FRAS1: variants seen among roughly 807,000 people sequenced by gnomAD.
FRAS1 encodes Fraser extracellular matrix complex subunit 1, also known as extracellular matrix organizing protein FRAS1.
A neutral mutation model predicts 435.2 loss-of-function variants in FRAS1; 290 were observed. The observed-to-expected ratio is 0.67, with a 90% confidence interval of 0.61 to 0.73. The LOEUF (loss-of-function observed/expected upper bound fraction) is 0.73, where lower values mean the gene tolerates loss of function less well. Ranked by LOEUF, FRAS1 falls within the 30% of genes least tolerant of loss-of-function variation. FRAS1 has a pLI of 0.00. For synonymous variants in FRAS1, 1,800 were observed against 1,851.0 expected (o/e 0.97, Z 0.71); for missense variants, 4,860 against 5,001.5 (o/e 0.97, Z 0.85).
intron 2 of FRAS1, among the ~76,000 whole-genome samples, chr4:78,189,871 C>G (rs1490397079): frequency 6.6e-6 from 1 of 152,158 alleles, no homozygotes; most frequent in Non-Finnish European, 1.5e-5. Flanking sequence ...AGCCAAATGT[C>G]TCATAGTTGT....
intron 47 of FRAS1, among the ~76,000 whole-genome samples, chr4:78,459,101 C>G (rs1007877758): frequency 6.6e-6 from 1 of 152,122 alleles, no homozygotes. Flanking sequence ...GATGCCTGGG[C>G]CCCACCTAGA....
chr4:78,147,305 T>C (rs368568375), intron 2 of FRAS1, among the ~76,000 whole-genome samples: 4 of 152,214 alleles, frequency 2.6e-5, no homozygotes, highest in African/African-American at 9.6e-5. Context: ...CAATTTTGCA[T>C]GTACAGGGAA....
intron 58 of FRAS1, 75 bp downstream of exon 58, chr4:78,482,610 T>C: frequency 1.4e-6 from 2 of 1,438,128 alleles, no homozygotes; most frequent in East Asian, 2.3e-5. Flanking sequence ...ATATGTGACA[T>C]TGGAACTCAT....
intron 10 of FRAS1, among the ~76,000 whole-genome samples, chr4:78,279,293 C>A (rs1269314805): frequency 1.3e-5 from 2 of 152,172 alleles, no homozygotes; most frequent in South Asian, 4.1e-4. Flanking sequence ...AGGCATTGGC[C>A]ATGAGGTCTA....
At chr4:78,484,136 G>A (rs66516926) in intron 58 of FRAS1, among the ~76,000 whole-genome samples, 23,369 of 151,920 alleles carry the variant, frequency 0.15, 1,883 homozygotes, top group Middle Eastern at 0.22. Context: ...TCATAAAAAT[G>A]GAATCATATA....
chr4:78,477,887 G>C lies in FRAS1; in HGVS notation c.7924G>C (p.Val2642Leu), dbSNP rs993641962. The change falls in exon 55 of 74, where the codon GTT becomes CTT. Residue 2642 changes from valine to leucine, a missense_variant. Coordinates refer to ENST00000512123, the MANE Select transcript of FRAS1 (RefSeq NM_025074.7). The stretch of plus-strand genomic sequence containing the variant: ...CAACGATGATGACGTGTTTGAAAAT[G>C]TTGAGAGTTTCACTGTGGAGCTCAG... ...VINDDDVFEN[V>L]ESFTVELSMP... is the part of the protein sequence containing the mutation. 1 of 1,613,474 alleles carries C rather than the reference G, an allele frequency of 6.2e-7. No homozygotes were observed. The highest frequency in any genetic ancestry group is 1.7e-5 in the Admixed American group (1 of 59,960).
intron 28 of FRAS1, 37 bp downstream of exon 28, chr4:78,384,180 G>T (rs748220764): frequency 7.4e-7 from 1 of 1,354,210 alleles, no homozygotes; most frequent in South Asian, 1.4e-5. Flanking sequence ...AATTTTACAT[G>T]ACTACTAGTT....
intron 2 of FRAS1, among the ~76,000 whole-genome samples, chr4:78,221,083 G>A (rs547932279): frequency 1.3e-5 from 2 of 152,254 alleles, no homozygotes; most frequent in East Asian, 3.9e-4. Flanking sequence ...TGGGAGGATG[G>A]CTTGAGCCCA....
At chr4:78,088,970 A>G (rs533575180) in intron 2 of FRAS1, among the ~76,000 whole-genome samples, 18 of 152,302 alleles carry the variant, frequency 1.2e-4, no homozygotes, top group African/African-American at 4.3e-4. Context: ...CTATAAAGAC[A>G]CATGCACACG....
At position 78,375,778 on chromosome 4, in the gene FRAS1, G is replaced by A. The variant is rs779286671; in HGVS notation, c.3191G>A (p.Arg1064His). 21 of 1,610,352 alleles carry A rather than the reference G, an allele frequency of 1.3e-5. No individual in the cohort carries two copies. The highest frequency in any genetic ancestry group is 2.2e-5 in the East Asian group (1 of 44,794). Residue 1064 changes from arginine (R) to histidine (H), a missense_variant, in exon 26 of 74, where the codon CGT (arginine) becomes CAT (histidine). Arg to His is a conservative substitution (Grantham distance 29). Transcript: ENST00000512123. ...TGCTTGCAGTGCAGCCACAGGGACC[G>A]TTGTCACCTCTGTGACCATGGGTTC... Reference protein sequence around the residue: ...QGCLQCSHRDRCHLCDHGFFL... With the variant: ...QGCLQCSHRDHCHLCDHGFFL...
At chr4:78,118,526 C>G (rs1053986701) in intron 2 of FRAS1, among the ~76,000 whole-genome samples, 3 of 152,142 alleles carry the variant, frequency 2.0e-5, no homozygotes, top group Non-Finnish European at 4.4e-5. Context: ...TGGTGGGCAC[C>G]CCTCCCCCAG....
intron 2 of FRAS1, 97 bp from the exon 3 acceptor site, chr4:78,237,413 G>A (rs1242239071): frequency 1.7e-5 from 14 of 802,278 alleles, no homozygotes; most frequent in Non-Finnish European, 2.7e-5. Context: ...TCTTTGTCTT[G>A]TAATTGTCCA....
rs578099452 is a variant in FRAS1, at chr4:78,484,495, A to G, written c.8752+1960A>G. On this transcript the variant is annotated intron_variant, in intron 58 of 73. Coordinates refer to ENST00000512123, the MANE Select transcript of FRAS1 (RefSeq NM_025074.7). ...AAGCAGCCTCATTTATCATTTTTCT[A>G]TTATGGATCATATTTTTAGTGTTGT... is the stretch of plus-strand genomic sequence containing the variant. Among the ~76,000 whole-genome samples the G allele has an allele frequency of 9.7e-4, 147 of 152,228 alleles. 1 individual carries two copies. The highest frequency in any genetic ancestry group is 1.7e-3 in the Non-Finnish European group (118 of 67,996).
intron 33 of FRAS1, 25 bp from the exon 34 acceptor site, chr4:78,421,838 C>T (rs777876485): frequency 6.2e-7 from 1 of 1,612,986 alleles, no homozygotes; most frequent in Non-Finnish European, 8.5e-7. Flanking sequence ...ACTGTTGATG[C>T]TGAGGCCAAA....
intron 20 of FRAS1, among the ~76,000 whole-genome samples, chr4:78,355,248 G>T (rs947451959): frequency 6.9e-5 from 10 of 145,908 alleles, no homozygotes; most frequent in Admixed American, 5.7e-4. Context: ...CTAATTTACT[G>T]CATTTATTAG....
chr4:78,288,416 G>A (rs984882292), intron 14 of FRAS1, among the ~76,000 whole-genome samples: 1 of 152,132 alleles, frequency 6.6e-6, no homozygotes, highest in Non-Finnish European at 1.5e-5. Flanking sequence ...ACATACATAT[G>A]ACTTTTCTGG....
chr4:78,205,097 A>G (rs1471093640), intron 2 of FRAS1, among the ~76,000 whole-genome samples: 1 of 152,214 alleles, frequency 6.6e-6, no homozygotes, highest in African/African-American at 2.4e-5. Flanking sequence ...TGTTGAGTCC[A>G]TAAATGATAA....
At chr4:78,499,425 T>A (rs4975131) in intron 60 of FRAS1, among the ~76,000 whole-genome samples, 78,469 of 152,006 alleles carry the variant, frequency 0.52, 20,847 homozygotes, top group East Asian at 0.72. Context: ...TAGTGCCGAG[T>A]TGGAAACTTG....
chr4:78,116,465 A>G (rs1313122645), intron 2 of FRAS1, among the ~76,000 whole-genome samples: 3 of 152,130 alleles, frequency 2.0e-5, no homozygotes, highest in Non-Finnish European at 2.9e-5. Context: ...GTGGGAGTCT[A>G]AGTCTCTTTG....
Sources: allele counts gnomAD v4.1 joint callset (sites outside exome capture counted in the v4.1 genomes callset), GRCh38; gene constraint gnomAD v4.1.1; transcripts MANE v1.5; gene names NCBI Gene and HGNC (gene_info 2026-07-23, HGNC 2026-07-21).